The following TRAM1 variants were observed in gnomAD, a reference collection of about 807,000 sequenced individuals.
TRAM1 encodes the protein translocating chain-associated membrane protein 1.
TRAM1 carries 17 observed loss-of-function variants against 48.7 expected under a neutral mutation model. That is an observed-to-expected ratio of 0.35 (90% CI 0.24 to 0.52). The LOEUF (loss-of-function observed/expected upper bound fraction) is 0.52. Among genes scored for constraint, TRAM1 ranks in the 20% least tolerant of loss-of-function variants. The pLI, the probability that TRAM1 is intolerant of heterozygous loss-of-function variation, is 0.94. For missense variants in TRAM1, 351 were observed against 441.5 expected, an observed-to-expected ratio of 0.79 and a Z score of 1.84; for synonymous variants, 182 against 154.0, an observed-to-expected ratio of 1.18 and a Z score of -1.34.
chr8:70,575,098 T>G, intron 10 of TRAM1, 93 bp from the exon 11 acceptor site: 2 of 893,876 alleles, frequency 2.2e-6, no homozygotes, highest in Non-Finnish European at 3.3e-6. Flanking sequence ...AAAGAAAATG[T>G]AAAATCCAAT....
At chr8:70,575,645 C>T (rs1480763548) in intron 10 of TRAM1, among the ~76,000 whole-genome samples, 1 of 152,086 alleles carries the variant, frequency 6.6e-6, no homozygotes, top group African/African-American at 2.4e-5. Flanking sequence ...CTGACTCTCT[C>T]TCCAAAAATA....
chr8:70,604,970 C>T (rs560835897), intron 1 of TRAM1, among the ~76,000 whole-genome samples: 2 of 152,186 alleles, frequency 1.3e-5, no homozygotes, highest in Admixed American at 1.3e-4. Flanking sequence ...ATTATGTGGA[C>T]AGATATTTAC....
chr8:70,587,135 G>C lies in TRAM1; in HGVS notation c.612C>G (p.Leu204=). 3.1e-6 allele frequency: 5 copies of C among 1,613,980 alleles called. No individual in the cohort carries two copies. The highest frequency in any genetic ancestry group is 4.2e-6 in the Non-Finnish European group (5 of 1,179,932). ...AAAGGTAAGCTCCAGCAATGTGGAAGAGGTAAAGACCAATGTAGACAAGCT... is the reference window on the plus strand; with the variant it reads ...AAAGGTAAGCTCCAGCAATGTGGAACAGGTAAAGACCAATGTAGACAAGCT... ...PRQLVYIGLY[L]FHIAGAYLLN... is the part of the protein sequence containing the mutation. Residue 204 remains leucine (L), a synonymous_variant, in exon 7 of 11, where the codon CTC becomes CTG. Coordinates refer to ENST00000262213, the MANE Select transcript of TRAM1 (RefSeq NM_014294.6).
chr8:70,584,331 C>T (rs1447401348), intron 8 of TRAM1, among the ~76,000 whole-genome samples: 1 of 152,136 alleles, frequency 6.6e-6, no homozygotes, highest in Non-Finnish European at 1.5e-5. Flanking sequence ...TTATAAAGAA[C>T]AGGATGCCCA....
rs1033753588 is a variant in TRAM1 at position 70,608,226 on chromosome 8, G to C, written c.-27C>G. On this transcript the variant is annotated 5_prime_UTR_variant, in exon 1 of 11. Coordinates refer to ENST00000262213, the MANE Select transcript of TRAM1 (RefSeq NM_014294.6). ...GTGGGGCCGCCGCCCGCGCCTGCAG[G>C]TGCTCCGCCCCGGTTCTGCTCTTCC... 3 of 1,575,396 alleles carry C rather than the reference G, an allele frequency of 1.9e-6. No individual in the cohort carries two copies. Among genetic ancestry groups the C allele is most frequent in the Non-Finnish European group, 2.6e-6 (3 of 1,164,806 alleles).
Position 70,574,800 on chromosome 8 carries a change from G to T in TRAM1, c.*132C>A. 1.5e-6 allele frequency: 1 copy of T among 666,380 alleles called. No individual in the cohort carries two copies. The allele number at this position is 666,380 out of a possible 1,614,324, so 41.3% of individuals were successfully genotyped here. ...CCCCTCAAATGCCCTTTAAAAAAATGCATGAAACCGTACAATAGCAAAAAT... is the reference window on the plus strand; with the variant it reads ...CCCCTCAAATGCCCTTTAAAAAAATTCATGAAACCGTACAATAGCAAAAAT... On this transcript the variant is annotated 3_prime_UTR_variant, in exon 11 of 11. Coordinates refer to ENST00000262213, the MANE Select transcript of TRAM1 (RefSeq NM_014294.6).
intron 8 of TRAM1, among the ~76,000 whole-genome samples, chr8:70,584,537 C>T (rs1471731300): frequency 1.3e-5 from 2 of 152,194 alleles, no homozygotes; most frequent in Non-Finnish European, 2.9e-5. Context: ...GAAAACCCCA[C>T]TGTCTCAGCC....
chr8:70,580,735 T>C (rs1817057192), intron 10 of TRAM1, among the ~76,000 whole-genome samples: 1 of 149,272 alleles, frequency 6.7e-6, no homozygotes, highest in South Asian at 2.1e-4. Flanking sequence ...ATAGAAAGCA[T>C]CCAGATTGCC....
intron 6 of TRAM1, among the ~76,000 whole-genome samples, chr8:70,591,880 C>T (rs1817372342): frequency 6.6e-6 from 1 of 151,784 alleles, no homozygotes. Flanking sequence ...ACCAGTGAGA[C>T]AGAAGATGAC....
In TRAM1 at chr8:70,587,149, T is replaced by G; in HGVS notation, c.598A>C (p.Ile200Leu). The G allele has an allele frequency of 6.2e-7, 1 of 1,613,944 alleles. No homozygotes were observed. The change falls in exon 7 of 11, where the codon ATT becomes CTT. Residue 200 changes from isoleucine (I) to leucine (L), a missense_variant. Ile to Leu is a conservative substitution (Grantham distance 5). Coordinates refer to ENST00000262213, the MANE Select transcript of TRAM1 (RefSeq NM_014294.6). ...KEDIPRQLVY[I>L]GLYLFHIAGA... ...GCAATGTGGAAGAGGTAAAGACCAA[T>G]GTAGACAAGCTGACGAGGAATATCT...
intron 6 of TRAM1, among the ~76,000 whole-genome samples, chr8:70,593,638 T>C (rs1178650311): frequency 6.7e-6 from 1 of 149,786 alleles, no homozygotes; most frequent in African/African-American, 2.4e-5. Flanking sequence ...GAAATGAAAG[T>C]ACTTGATTAA....
Position 70,586,897 on chromosome 8 carries a change from T to C in TRAM1, c.744A>G (p.Lys248=). 2 of 1,612,416 alleles carry C rather than the reference T, an allele frequency of 1.2e-6. No homozygotes were observed. The highest frequency in any genetic ancestry group is 1.7e-6 in the Non-Finnish European group (2 of 1,178,638). Residue 248 remains lysine (K), a splice_region_variant and synonymous_variant, in exon 8 of 11, where the codon AAA becomes AAG. Transcript: ENST00000262213. ...AATAGAATGGCTAAACAACTTACCC[T>C]TTCTGATACTTTTCATTGCTAAAAT... is the stretch of plus-strand genomic sequence containing the variant. ...LFYFSNEKYQ[K]GFSLWAVLFV... is the part of the protein sequence containing the mutation.
At chr8:70,600,229 A>C in intron 1 of TRAM1, 147 bp from the exon 2 acceptor site, 1 of 623,248 alleles carries the variant, frequency 1.6e-6, no homozygotes, top group Non-Finnish European at 2.8e-6. Context: ...CACAATGGAA[A>C]TTACTGATTG....
At chr8:70,603,710 C>A (rs1382336145) in intron 1 of TRAM1, among the ~76,000 whole-genome samples, 2 of 152,090 alleles carry the variant, frequency 1.3e-5, no homozygotes, top group Non-Finnish European at 2.9e-5. Context: ...GAGTGAGGCT[C>A]CATCTCAAAA....
chr8:70,584,059 G>A (rs1041411465), intron 8 of TRAM1, among the ~76,000 whole-genome samples: 1 of 151,996 alleles, frequency 6.6e-6, no homozygotes, highest in African/African-American at 2.4e-5. Flanking sequence ...TTCCTATTAA[G>A]TAAAAGCCTA....
At position 70,574,300 on chromosome 8, in the gene TRAM1, T is replaced by C. The variant is rs1254719691; in HGVS notation, c.*632A>G. The stretch of plus-strand genomic sequence containing the variant: ...CTTTTAAGAATATACTTTGATTTAA[T>C]ATGTATGTTAGTAAAACTCCACGTG... On this transcript the variant is annotated 3_prime_UTR_variant, in exon 11 of 11. Coordinates refer to ENST00000262213, the MANE Select transcript of TRAM1 (RefSeq NM_014294.6). The C allele has an allele frequency of 2.6e-5, 10 of 384,844 alleles. No individual in the cohort carries two copies. Among genetic ancestry groups the C allele is most frequent in the Non-Finnish European group, 4.5e-5 (9 of 201,538 alleles). 23.8% of individuals were successfully genotyped at this position (384,844 alleles called of 1,614,324 possible).
chr8:70,605,395 T>C (rs1489612089), intron 1 of TRAM1, among the ~76,000 whole-genome samples: 1 of 152,210 alleles, frequency 6.6e-6, no homozygotes, highest in Non-Finnish European at 1.5e-5. Context: ...CCAGAATCCA[T>C]GCTTTTACAG....
intron 7 of TRAM1, 39 bp downstream of exon 7, chr8:70,587,067 C>T (rs911978137): frequency 1.2e-6 from 2 of 1,610,988 alleles, no homozygotes; most frequent in Admixed American, 1.7e-5. Flanking sequence ...ATACTATCTG[C>T]CCAGCCTACT....
chr8:70,598,113 T>G, intron 3 of TRAM1, 21 bp downstream of exon 3: 2 of 1,606,530 alleles, frequency 1.2e-6, no homozygotes. Context: ...AAAGTATAGA[T>G]TTCTAAGACT....
Sources: gnomAD v4.1 joint callset for allele counts (sites outside exome capture counted in the v4.1 genomes callset) on GRCh38, gnomAD v4.1.1 for gene constraint, MANE v1.5 for transcripts, NCBI Gene and HGNC (gene_info 2026-07-23, HGNC 2026-07-21) for gene names.